Variants in ASB4 observed in about 807,000 individuals in gnomAD.
ASB4 encodes the protein ankyrin repeat and SOCS box containing 4.
Under a neutral mutation model 38.6 loss-of-function variants are expected in ASB4, and 35 were observed. That is an observed-to-expected ratio of 0.91 (90% CI 0.69 to 1.20). The LOEUF (loss-of-function observed/expected upper bound fraction) is 1.20, where lower values mean the gene tolerates loss of function less well. Among genes scored for constraint, ASB4 ranks in the 50% most tolerant of loss-of-function variants. The pLI is 0.00. For synonymous variants in ASB4, 195 were observed against 201.3 expected (o/e 0.97, Z 0.26); for missense variants, 557 against 527.2 (o/e 1.06, Z -0.55).
chr7:95,536,302 AG>A, intron 3 of ASB4, 134 bp from the exon 4 acceptor site: 1 of 558,730 alleles, frequency 1.8e-6, no homozygotes, highest in Non-Finnish European at 3.2e-6. Context: ...CTCCTGCCTC[AG>A]TCTCCCAAGT....
At chr7:95,497,869 CT>C (rs1790274057) in intron 2 of ASB4, among the ~76,000 whole-genome samples, 1 of 152,032 alleles carries the variant, frequency 6.6e-6, no homozygotes, top group Non-Finnish European at 1.5e-5. Context: ...TAAATTAGAC[CT>C]TTTTATTGCT....
intron 3 of ASB4, among the ~76,000 whole-genome samples, chr7:95,528,988 G>A (rs79880794): frequency 0.013 from 1,937 of 152,156 alleles, 33 homozygotes; most frequent in African/African-American, 0.045. Flanking sequence ...CACACTGCAC[G>A]GTTTTTCTTA....
At chr7:95,487,074 T>C (rs1014352878) in intron 1 of ASB4, among the ~76,000 whole-genome samples, 1 of 152,222 alleles carries the variant, frequency 6.6e-6, no homozygotes, top group African/African-American at 2.4e-5. Flanking sequence ...TGTTTAAAAA[T>C]GATTTCTGGC....
downstream of ASB4, chr7:95,543,820 C>G (rs1329358502): frequency 6.6e-6 from 1 of 151,928 alleles, no homozygotes; most frequent in Non-Finnish European, 1.5e-5. Flanking sequence ...TGGGGAAGCA[C>G]CATGGGGAAT....
chr7:95,521,688 A>T (rs970509586), intron 2 of ASB4, among the ~76,000 whole-genome samples: 6 of 32,094 alleles, frequency 1.9e-4, no homozygotes, highest in African/African-American at 3.7e-4. Flanking sequence ...GTTGAAATTA[A>T]AAAAAAAAAA....
chr7:95,498,400 T>C (rs1055377590), intron 2 of ASB4, among the ~76,000 whole-genome samples: 4 of 152,232 alleles, frequency 2.6e-5, no homozygotes, highest in African/African-American at 9.6e-5. Context: ...TAAATATGTT[T>C]GTAATGGTAT....
intron 2 of ASB4, among the ~76,000 whole-genome samples, chr7:95,515,267 C>CTCTTCTT (rs1790556907): frequency 1.4e-5 from 1 of 72,546 alleles, no homozygotes; most frequent in Non-Finnish European, 2.9e-5. Flanking sequence ...TTCTTTCTTT[C>CTCTTCTT]TCTTTCTTTC....
chr7:95,527,220 T>TGTG (rs540096422), intron 2 of ASB4, among the ~76,000 whole-genome samples: 2 of 152,176 alleles, frequency 1.3e-5, no homozygotes, highest in Middle Eastern at 3.4e-3. Context: ...CACAGGCATA[T>TGTG]GTGGTGGTGG....
intron 2 of ASB4, among the ~76,000 whole-genome samples, chr7:95,507,651 G>A (rs1353422946): frequency 6.6e-6 from 1 of 152,152 alleles, no homozygotes; most frequent in Non-Finnish European, 1.5e-5. Context: ...ATTGGGTGTT[G>A]ATTGTTAAAA....
intron 3 of ASB4, chr7:95,528,518 A>C: frequency 7.0e-7 from 1 of 1,428,182 alleles, no homozygotes; most frequent in Non-Finnish European, 9.1e-7. Flanking sequence ...TAGAATGAGA[A>C]AAAGAGTAGC....
upstream of ASB4, among the ~76,000 whole-genome samples, chr7:95,481,225 C>A (rs1339386160): frequency 6.6e-6 from 1 of 152,136 alleles, no homozygotes; most frequent in Non-Finnish European, 1.5e-5. Flanking sequence ...GAAACCCAAA[C>A]ACTACAACTG....
chr7:95,499,865 CTTTTTTTTTTTTT>C (rs61250820), intron 2 of ASB4, among the ~76,000 whole-genome samples: 5 of 77,218 alleles, frequency 6.5e-5, no homozygotes, highest in Non-Finnish European at 9.1e-5. Context: ...GATACATCCT[CTTTTTTTTTTTTT>C]TTTTTTTTTT....
the ASB4 span, among the ~76,000 whole-genome samples, chr7:95,549,003 G>A: frequency 2.4e-4 from 36 of 152,082 alleles, no homozygotes; most frequent in Non-Finnish European, 3.1e-4. Flanking sequence ...TCAATCACTT[G>A]CATACCAATG....
chr7:95,502,390 G>A (rs200738090), intron 2 of ASB4, among the ~76,000 whole-genome samples: 1 of 107,152 alleles, frequency 9.3e-6, no homozygotes, highest in Non-Finnish European at 2.1e-5. Context: ...GTACCAGCCT[G>A]CGGGGGGGGG....
upstream of ASB4, among the ~76,000 whole-genome samples, chr7:95,482,494 T>C (rs1208561433): frequency 6.6e-6 from 1 of 152,234 alleles, no homozygotes; most frequent in African/African-American, 2.4e-5. Flanking sequence ...TTGATCAGCT[T>C]TAAGTCTCAA....
chr7:95,543,656 C>T (rs1790998335), downstream of ASB4: 1 of 152,118 alleles, frequency 6.6e-6, no homozygotes, highest in South Asian at 2.1e-4. Context: ...GTGAGTATCC[C>T]TGACAAAGGG....
intron 4 of ASB4, among the ~76,000 whole-genome samples, chr7:95,536,933 A>G (rs1242946418): frequency 6.6e-6 from 1 of 152,220 alleles, no homozygotes; most frequent in Non-Finnish European, 1.5e-5. Flanking sequence ...TGAAGTGACT[A>G]TTAGGCAGGA....
At chr7:95,527,656 A>G (rs1342753052) in intron 2 of ASB4, among the ~76,000 whole-genome samples, 157 bp from the exon 3 acceptor site, 1 of 152,198 alleles carries the variant, frequency 6.6e-6, no homozygotes, top group Non-Finnish European at 1.5e-5. Context: ...CACGAGGCCC[A>G]GGAAGAGAGC....
chr7:95,537,963 G>T lies in ASB4; in HGVS notation c.*204G>T. The stretch of plus-strand genomic sequence containing the variant: ...AAGTTAAGGAATTTTCAAAGACAAG[G>T]ATGTATTCAGAATGTACTGATAGAA... On this transcript the variant is annotated 3_prime_UTR_variant, in exon 5 of 5. Transcript: ENST00000325885. The T allele has an allele frequency of 1.8e-6, 1 of 547,942 alleles. No homozygotes were observed. The highest frequency in any genetic ancestry group is 3.2e-6 in the Non-Finnish European group (1 of 308,436). 33.9% of individuals were successfully genotyped at this position (547,942 alleles called of 1,614,324 possible).
Sources: allele counts gnomAD v4.1 joint callset (sites outside exome capture counted in the v4.1 genomes callset), GRCh38; gene constraint gnomAD v4.1.1; transcripts MANE v1.5; gene names NCBI Gene and HGNC (gene_info 2026-07-23, HGNC 2026-07-21).